STMN2: variants seen among roughly 807,000 people sequenced by gnomAD.
The protein encoded by STMN2 is stathmin 2.
A neutral mutation model predicts 24.1 loss-of-function variants in STMN2; 2 were observed. The ratio of observed to expected loss-of-function variants is 0.08; its 90% confidence interval spans 0.03 to 0.26. The LOEUF is 0.26. STMN2 is among the 10% of genes least tolerant of loss of function. STMN2 has a pLI of 1.00. For missense variants in STMN2, 114 were observed against 213.6 expected (o/e 0.53, Z 2.91); for synonymous variants, 83 against 77.5 (o/e 1.07, Z -0.37).
intron 2 of STMN2, among the ~76,000 whole-genome samples, chr8:79,640,212 T>C (rs949580242): frequency 1.3e-5 from 2 of 152,148 alleles, no homozygotes; most frequent in Non-Finnish European, 2.9e-5. Flanking sequence ...AATAAGTCTC[T>C]TGCATTTGTT....
chr8:79,636,958 ATTTG>A, intron 2 of STMN2, 61 bp downstream of exon 2: 1 of 1,495,778 alleles, frequency 6.7e-7, no homozygotes, highest in Non-Finnish European at 9.3e-7. Context: ...GTTGACATAT[ATTTG>A]TTTCTTACAG....
At chr8:79,635,579 G>GA (rs908959291) in intron 1 of STMN2, among the ~76,000 whole-genome samples, 48 of 152,264 alleles carry the variant, frequency 3.2e-4, no homozygotes, top group African/African-American at 1.1e-3. Context: ...ATGGCCATAA[G>GA]AAAAAATGAA....
In STMN2 at chr8:79,611,166, G is replaced by A. The variant is rs1194416265; in HGVS notation, c.-30G>A. The A allele has an allele frequency of 6.2e-7, 1 of 1,613,790 alleles. No individual in the cohort carries two copies. The highest frequency in any genetic ancestry group is 1.7e-5 in the Admixed American group (1 of 60,004). ...TGCTGTAGCCGGACCCTTTGCCTTC[G>A]CCACTGCTCAGCGTCTGCACATCCC... On this transcript the variant is annotated 5_prime_UTR_variant, in exon 1 of 5. Transcript: ENST00000220876.
chr8:79,626,431 C>G (rs978478916), intron 1 of STMN2, among the ~76,000 whole-genome samples: 2 of 152,170 alleles, frequency 1.3e-5, no homozygotes, highest in Admixed American at 6.5e-5. Context: ...ACCAGTAGTT[C>G]CATTTTCAAA....
intron 1 of STMN2, among the ~76,000 whole-genome samples, chr8:79,617,278 G>C (rs1397052196): frequency 1.3e-5 from 2 of 152,168 alleles, no homozygotes; most frequent in Non-Finnish European, 2.9e-5. Context: ...CAAAGACATA[G>C]TCAGGTCTCC....
At chr8:79,615,829 G>T (rs1809371133) in intron 1 of STMN2, among the ~76,000 whole-genome samples, 1 of 152,012 alleles carries the variant, frequency 6.6e-6, no homozygotes, top group South Asian at 2.1e-4. Flanking sequence ...TACACGCCCT[G>T]GTTAATTATT....
At chr8:79,635,470 G>T in intron 1 of STMN2, among the ~76,000 whole-genome samples, 1 of 152,208 alleles carries the variant, frequency 6.6e-6, no homozygotes, top group African/African-American at 2.4e-5. Flanking sequence ...GTTCATGGCA[G>T]CACTATTCAC....
chr8:79,618,922 A>G (rs377186084), intron 1 of STMN2, among the ~76,000 whole-genome samples: 1 of 152,092 alleles, frequency 6.6e-6, no homozygotes, highest in African/African-American at 2.4e-5. Context: ...CTTGTTGTTG[A>G]CCTCCAGAGT....
chr8:79,611,430 G>A (rs1416763003), intron 1 of STMN2, among the ~76,000 whole-genome samples: 1 of 152,182 alleles, frequency 6.6e-6, no homozygotes, highest in South Asian at 2.1e-4. Context: ...AAAGGTAGAA[G>A]CGGGTAAGTT....
chr8:79,654,630 G>C (rs948163334), intron 3 of STMN2, among the ~76,000 whole-genome samples: 2 of 152,108 alleles, frequency 1.3e-5, no homozygotes, highest in African/African-American at 4.8e-5. Flanking sequence ...AGGATTAAAT[G>C]CTTCTTCTTC....
At chr8:79,632,824 C>T (rs943649270) in intron 1 of STMN2, among the ~76,000 whole-genome samples, 24 of 152,274 alleles carry the variant, frequency 1.6e-4, no homozygotes, top group African/African-American at 5.8e-4. Context: ...ACTGCACTAT[C>T]AATTCCAAAT....
chr8:79,663,538 C>A (rs1806541974), intron 4 of STMN2: 1 of 1,340,140 alleles, frequency 7.5e-7, no homozygotes, highest in South Asian at 1.4e-5. Context: ...AGTGTAGACT[C>A]CTTGAGATTA....
chr8:79,626,989 G>T (rs10112708), intron 1 of STMN2, among the ~76,000 whole-genome samples: 100,676 of 151,956 alleles, frequency 0.66, 33,964 homozygotes, highest in African/African-American at 0.79. Flanking sequence ...TCACTTCTGT[G>T]TTTAGGAAGA....
chr8:79,629,261 A>G (rs1809741392), intron 1 of STMN2, among the ~76,000 whole-genome samples: 1 of 152,158 alleles, frequency 6.6e-6, no homozygotes, highest in Non-Finnish European at 1.5e-5. Flanking sequence ...TTCTATTTAT[A>G]TACAGTATAT....
chr8:79,646,050 T>A (rs1810210761), intron 3 of STMN2, among the ~76,000 whole-genome samples: 1 of 152,202 alleles, frequency 6.6e-6, no homozygotes. Context: ...GTACTACAAA[T>A]GTTTTTAAGT....
chr8:79,634,103 T>C (rs1387493953), intron 1 of STMN2, among the ~76,000 whole-genome samples: 2 of 152,222 alleles, frequency 1.3e-5, no homozygotes, highest in African/African-American at 2.4e-5. Context: ...GTTTCTAATA[T>C]GTGCTTAATT....
intron 3 of STMN2, among the ~76,000 whole-genome samples, chr8:79,654,245 G>A (rs1418482562): frequency 6.6e-6 from 1 of 151,912 alleles, no homozygotes; most frequent in East Asian, 1.9e-4. Flanking sequence ...GCAACCACAG[G>A]GTTTCAAGAG....
At chr8:79,661,915 G>T (rs1806510706) in intron 4 of STMN2, among the ~76,000 whole-genome samples, 1 of 152,124 alleles carries the variant, frequency 6.6e-6, no homozygotes, top group African/African-American at 2.4e-5. Flanking sequence ...TTAGTAAAAA[G>T]AAGGATTTTT....
At chr8:79,664,608 C>T (rs1806563415) in intron 4 of STMN2, among the ~76,000 whole-genome samples, 1 of 152,128 alleles carries the variant, frequency 6.6e-6, no homozygotes, top group Admixed American at 6.5e-5. Flanking sequence ...TAAACAAAAA[C>T]AGTGTTAAAT....
Sources: allele counts gnomAD v4.1 joint callset (sites outside exome capture counted in the v4.1 genomes callset), GRCh38; gene constraint gnomAD v4.1.1; transcripts MANE v1.5; gene names NCBI Gene and HGNC (gene_info 2026-07-23, HGNC 2026-07-21).